CEP63: variants seen among roughly 807,000 people sequenced by gnomAD.
CEP63 encodes centrosomal protein 63, also known as centrosomal protein of 63 kDa.
In CEP63, 84 loss-of-function variants were observed where a neutral mutation model predicts 89.1. That is an observed-to-expected ratio of 0.94 (90% CI 0.79 to 1.13). The LOEUF (loss-of-function observed/expected upper bound fraction) is 1.13, where lower values mean the gene tolerates loss of function less well. Ranked by LOEUF, CEP63 falls within the 50% of genes most tolerant of loss-of-function variation. The pLI, the probability that CEP63 is intolerant of heterozygous loss-of-function variation, is 0.00. For missense variants in CEP63, 838 were observed against 813.3 expected (o/e 1.03, Z -0.37); for synonymous variants, 267 against 272.5 (o/e 0.98, Z 0.20).
chr3:134,667,611 T>C, the CEP63 span, among the ~76,000 whole-genome samples: 1 of 152,248 alleles, frequency 6.6e-6, no homozygotes, highest in South Asian at 2.1e-4. Context: ...TTCTAGGTTG[T>C]TGCTTGGGCA....
At chr3:134,735,048 A>C in the CEP63 span, among the ~76,000 whole-genome samples, 1 of 152,270 alleles carries the variant, frequency 6.6e-6, no homozygotes, top group Middle Eastern at 3.4e-3. Flanking sequence ...GAAATGTATA[A>C]TCCAATGGCA....
chr3:134,623,047 T>C, the CEP63 span, among the ~76,000 whole-genome samples: 1 of 152,222 alleles, frequency 6.6e-6, no homozygotes, highest in Non-Finnish European at 1.5e-5. Context: ...ACTTTGTCCT[T>C]GTCCCTCTCC....
At chr3:134,667,168 CCCAGA>C in the CEP63 span, among the ~76,000 whole-genome samples, 1 of 152,184 alleles carries the variant, frequency 6.6e-6, no homozygotes, top group Non-Finnish European at 1.5e-5. Flanking sequence ...ATACCGCTGG[CCCAGA>C]CCTCGGCAGT....
chr3:134,546,138 C>G lies in CEP63; in HGVS notation c.790-11C>G, dbSNP rs368225983. The G allele has an allele frequency of 4.8e-5, 78 of 1,613,188 alleles. No homozygotes were observed. The highest frequency in any genetic ancestry group is 3.3e-4 in the Middle Eastern group (2 of 6,076). ...GAAGGAAAATTATAATCATATTTGA[C>G]TTTTTTGCAGGCTCTGCAGGAAGAA... On this transcript the variant is annotated splice_polypyrimidine_tract_variant and intron_variant, in intron 7 of 14. Coordinates refer to ENST00000675561, the MANE Select transcript of CEP63 (RefSeq NM_001353108.3).
At chr3:134,547,614 CTTTT>C (rs62656962) in intron 9 of CEP63, 142 bp downstream of exon 9, 15,242 of 261,480 alleles carry the variant, frequency 0.058, 7 homozygotes, top group Middle Eastern at 0.093. Context: ...GTTCTTATTT[CTTTT>C]TTTTTTTTTT....
At chr3:134,651,145 C>A in the CEP63 span, 1 of 1,462,618 alleles carries the variant, frequency 6.8e-7, no homozygotes, top group Non-Finnish European at 9.0e-7. Context: ...CATTAGGGCC[C>A]GCCTGGGAGG....
At chr3:134,566,872 T>C (rs1386178994), downstream of CEP63, among the ~76,000 whole-genome samples, 1 of 152,176 alleles carries the variant, frequency 6.6e-6, no homozygotes, top group African/African-American at 2.4e-5. Context: ...GTTTGGCAGT[T>C]CCTCAAAAAG....
chr3:134,735,490 C>T, the CEP63 span, among the ~76,000 whole-genome samples: 17 of 152,020 alleles, frequency 1.1e-4, no homozygotes, highest in East Asian at 5.8e-4. Flanking sequence ...TAAAAAGCCC[C>T]GAAATGTGAA....
At chr3:134,512,561 G>GA (rs1424654004) in intron 3 of CEP63, among the ~76,000 whole-genome samples, 4 of 152,228 alleles carry the variant, frequency 2.6e-5, no homozygotes, top group Non-Finnish European at 4.4e-5. Context: ...AGGCTCATAA[G>GA]AAAAAATAGT....
At chr3:134,572,466 C>T (rs1467529968) in intron 11 of CEP63, among the ~76,000 whole-genome samples, 1 of 152,106 alleles carries the variant, frequency 6.6e-6, no homozygotes. Context: ...TCCGTTACTA[C>T]CCAATGTCTA....
the CEP63 span, among the ~76,000 whole-genome samples, chr3:134,646,036 C>T: frequency 2.0e-5 from 3 of 152,236 alleles, no homozygotes; most frequent in East Asian, 5.8e-4. Context: ...AACAAGGATG[C>T]TGTGCTTCTT....
At chr3:134,669,111 G>A in the CEP63 span, among the ~76,000 whole-genome samples, 1 of 152,014 alleles carries the variant, frequency 6.6e-6, no homozygotes. Context: ...CGGCAGCCTT[G>A]ACCTCCTGGG....
At chr3:134,667,069 G>T in the CEP63 span, among the ~76,000 whole-genome samples, 2 of 152,134 alleles carry the variant, frequency 1.3e-5, no homozygotes, top group Non-Finnish European at 2.9e-5. Context: ...CATCCAATCG[G>T]TGTCCGAGGC....
downstream of CEP63, among the ~76,000 whole-genome samples, chr3:134,592,083 C>T (rs1236505013): frequency 6.6e-6 from 1 of 152,206 alleles, no homozygotes; most frequent in African/African-American, 2.4e-5. Flanking sequence ...CATGAGGTTC[C>T]AGTCAAGAAG....
intron 6 of CEP63, among the ~76,000 whole-genome samples, chr3:134,545,030 T>C (rs1446641271): frequency 6.6e-6 from 1 of 152,122 alleles, no homozygotes; most frequent in Non-Finnish European, 1.5e-5. Context: ...AGTCTCATTC[T>C]GTCACTAGGC....
the CEP63 span, among the ~76,000 whole-genome samples, chr3:134,604,707 G>A: frequency 6.6e-6 from 1 of 152,180 alleles, no homozygotes; most frequent in Non-Finnish European, 1.5e-5. Flanking sequence ...CTCCCTTCAG[G>A]TGGTTTTCTT....
chr3:134,697,608 C>T, the CEP63 span, among the ~76,000 whole-genome samples: 62 of 152,276 alleles, frequency 4.1e-4, no homozygotes, highest in Non-Finnish European at 7.9e-4. Flanking sequence ...GCTCTTTGCT[C>T]GGCCCTCTTC....
chr3:134,782,446 T>A, the CEP63 span, among the ~76,000 whole-genome samples: 1 of 152,180 alleles, frequency 6.6e-6, no homozygotes, highest in African/African-American at 2.4e-5. Flanking sequence ...AAATTGCTAT[T>A]TCATTCAAAT....
At chr3:134,569,127 C>T (rs1359504282), downstream of CEP63, among the ~76,000 whole-genome samples, 5 of 152,192 alleles carry the variant, frequency 3.3e-5, no homozygotes, top group African/African-American at 1.2e-4. Flanking sequence ...ATTCCTCCCA[C>T]AACACGTGGG....
Sources: allele counts gnomAD v4.1 joint callset (sites outside exome capture counted in the v4.1 genomes callset), GRCh38; gene constraint gnomAD v4.1.1; transcripts MANE v1.5; gene names NCBI Gene and HGNC (gene_info 2026-07-23, HGNC 2026-07-21).